The following LOXHD1 variants were observed in gnomAD, a reference collection of about 807,000 sequenced individuals.
The protein encoded by LOXHD1 is lipoxygenase homology domain-containing protein 1.
LOXHD1 carries 205 observed loss-of-function variants against 248.2 expected under a neutral mutation model. The observed-to-expected ratio is 0.83, with a 90% CI of 0.74 to 0.93. The LOEUF (loss-of-function observed/expected upper bound fraction) is 0.93. Ranked by LOEUF, LOXHD1 falls within the 40% of genes least tolerant of loss-of-function variation. LOXHD1 has a pLI of 0.00. For missense variants in LOXHD1, 2,930 were observed against 2,971.6 expected, an observed-to-expected ratio of 0.99 and a Z score of 0.33; for synonymous variants, 1,113 against 1,162.8, an observed-to-expected ratio of 0.96 and a Z score of 0.87.
intron 16 of LOXHD1, among the ~76,000 whole-genome samples, chr18:46,567,081 G>A (rs1365125536): frequency 6.6e-6 from 1 of 152,190 alleles, no homozygotes; most frequent in Non-Finnish European, 1.5e-5. Context: ...TGCCCCCATG[G>A]GCAACATAGA....
At position 46,506,020 on chromosome 18, in the gene LOXHD1, G is replaced by A; in HGVS notation, c.5696C>T (p.Ala1899Val). 6.4e-7 allele frequency: 1 copy of A among 1,552,098 alleles called. No individual in the cohort carries two copies. The highest frequency in any genetic ancestry group is 8.7e-7 in the Non-Finnish European group (1 of 1,147,038). Residue 1899 changes from alanine to valine, a missense_variant, in exon 37 of 41, where the codon GCA becomes GTA. Transcript: ENST00000642948. ...VAVKTSDILG[A>V]GTDANVFIII... is the part of the protein sequence containing the mutation. ...GATGAACACGTTGGCATCAGTGCCT[G>A]CTCCTGGGGGGTGCACAAGGTGAGG...
chr18:46,577,306 A>G (rs2037876857), intron 14 of LOXHD1, among the ~76,000 whole-genome samples: 1 of 152,230 alleles, frequency 6.6e-6, no homozygotes, highest in Admixed American at 6.5e-5. Flanking sequence ...AAAGAAGTTA[A>G]CAGGGAAGAG....
At chr18:46,579,842 C>A (rs1452075403) in intron 12 of LOXHD1, 58 bp from the exon 13 acceptor site, 2 of 1,509,792 alleles carry the variant, frequency 1.3e-6, no homozygotes, top group African/African-American at 1.4e-5. Flanking sequence ...CATCCCTAGC[C>A]CTGCTGCTCC....
rs2143414485 is a variant in LOXHD1, at chr18:46,477,514, C to T, written c.6780G>A (p.Arg2260=). 3 of 1,550,898 alleles carry T rather than the reference C, an allele frequency of 1.9e-6. No homozygotes were observed. The highest frequency in any genetic ancestry group is 1.2e-5 in the South Asian group (1 of 84,034). The change falls in exon 41 of 41, where the codon CGG becomes CGA. Residue 2260 remains arginine, a synonymous_variant. Transcript: ENST00000642948. ...GGTCTCTCCAGGTGAGTCCATCCCC[C>T]CGCTTCTTGTCCAGCCACCTGCCAC... The part of the protein sequence containing the change: ...FNCGRWLDKK[R]GDGLTWRDLF...
intron 40 of LOXHD1, among the ~76,000 whole-genome samples, chr18:46,480,559 T>C (rs945613079): frequency 1.3e-5 from 2 of 152,188 alleles, no homozygotes; most frequent in African/African-American, 4.8e-5. Flanking sequence ...GACATAATTA[T>C]AGGATCACCA....
intron 27 of LOXHD1, 49 bp downstream of exon 27, chr18:46,534,286 T>C (rs1293049208): frequency 7.2e-7 from 1 of 1,396,244 alleles, no homozygotes; most frequent in East Asian, 2.5e-5. Flanking sequence ...TTGAACCTGC[T>C]CTGGAAAGGG....
chr18:46,592,404 T>C (rs935629496), intron 11 of LOXHD1, 94 bp downstream of exon 11: 9 of 1,107,112 alleles, frequency 8.1e-6, no homozygotes, highest in Non-Finnish European at 1.2e-5. Flanking sequence ...TCACAATAAA[T>C]ACAGAGGCAA....
Position 46,592,025 on chromosome 18 carries a change from T to C in LOXHD1, c.1562A>G (p.Asn521Ser), listed in dbSNP as rs556312555. The C allele has an allele frequency of 4.6e-5, 71 of 1,552,158 alleles. 1 individual carries two copies. The highest frequency in any genetic ancestry group is 3.3e-4 in the Middle Eastern group (2 of 6,020). The change falls in exon 12 of 41, where the codon AAT (asparagine) becomes AGT (serine). Residue 521 changes from asparagine (N) to serine (S), a missense_variant. Coordinates refer to ENST00000642948, the MANE Select transcript of LOXHD1 (RefSeq NM_001384474.1). ...ATTGGCATCCAGCCAGCGGTTGCAA[T>C]TGAAGTTGTACTTGTCTTTGTTCAG... ...NTLNKDKYNF[N>S]CNRWLDANED... is the part of the protein sequence containing the mutation.
intron 12 of LOXHD1, among the ~76,000 whole-genome samples, chr18:46,591,030 CTG>C (rs2038158468): frequency 1.3e-5 from 2 of 152,116 alleles, no homozygotes; most frequent in Non-Finnish European, 2.9e-5. Context: ...TCTGATCAAA[CTG>C]TTTCAACAAA....
chr18:46,655,393 C>A (rs2039167258), intron 1 of LOXHD1, among the ~76,000 whole-genome samples: 1 of 152,132 alleles, frequency 6.6e-6, no homozygotes, highest in Non-Finnish European at 1.5e-5. Flanking sequence ...GCATGCAGAG[C>A]CCGTAAACAG....
intron 38 of LOXHD1, among the ~76,000 whole-genome samples, 198 bp downstream of exon 38, chr18:46,488,774 T>C (rs998094684): frequency 6.6e-6 from 1 of 152,170 alleles, no homozygotes; most frequent in Non-Finnish European, 1.5e-5. Context: ...TTAGTCCCTG[T>C]GATTCTGAGC....
At chr18:46,560,573 C>G in intron 18 of LOXHD1, 28 bp from the exon 19 acceptor site, 1 of 1,501,604 alleles carries the variant, frequency 6.7e-7, no homozygotes, top group Non-Finnish European at 8.9e-7. Flanking sequence ...CAGCGGCTGT[C>G]GTGGCCCCAG....
chr18:46,510,449 C>G (rs2034890021), intron 34 of LOXHD1, among the ~76,000 whole-genome samples: 1 of 152,154 alleles, frequency 6.6e-6, no homozygotes, highest in Non-Finnish European at 1.5e-5. Context: ...TGCTGAATGA[C>G]CTCATCATCT....
intron 37 of LOXHD1, among the ~76,000 whole-genome samples, chr18:46,499,028 G>C (rs1237351276): frequency 6.6e-6 from 1 of 152,148 alleles, no homozygotes. Flanking sequence ...GCTACAAGCT[G>C]ATGTTCAACA....
intron 4 of LOXHD1, among the ~76,000 whole-genome samples, chr18:46,623,785 A>G (rs916458927): frequency 6.6e-6 from 1 of 152,230 alleles, no homozygotes; most frequent in Non-Finnish European, 1.5e-5. Context: ...TCTGTCTGGA[A>G]CAGTCAGCAC....
At chr18:46,626,907 G>C (rs1238831436) in intron 4 of LOXHD1, among the ~76,000 whole-genome samples, 1 of 152,222 alleles carries the variant, frequency 6.6e-6, no homozygotes, top group African/African-American at 2.4e-5. Flanking sequence ...TAGATAGGTG[G>C]ATGGATAGAT....
chr18:46,501,947 G>A (rs1461725218), intron 37 of LOXHD1, among the ~76,000 whole-genome samples: 1 of 152,180 alleles, frequency 6.6e-6, no homozygotes, highest in African/African-American at 2.4e-5. Context: ...CCTGACTCCT[G>A]AAATGTGATT....
At chr18:46,519,086 G>A (rs2035429162) in intron 33 of LOXHD1, 5 of 985,414 alleles carry the variant, frequency 5.1e-6, no homozygotes, top group Non-Finnish European at 6.0e-6. Context: ...CTGTGAGGCA[G>A]CCTCGTGGCA....
At chr18:46,638,938 G>C (rs1568229204) in intron 4 of LOXHD1, among the ~76,000 whole-genome samples, 1 of 152,176 alleles carries the variant, frequency 6.6e-6, no homozygotes, top group African/African-American at 2.4e-5. Context: ...ATGACTCTAT[G>C]AGAGCAGGGT....
Sources: gnomAD v4.1 joint callset for allele counts (sites outside exome capture counted in the v4.1 genomes callset) on GRCh38, gnomAD v4.1.1 for gene constraint, MANE v1.5 for transcripts, NCBI Gene and HGNC (gene_info 2026-07-23, HGNC 2026-07-21) for gene names.